SHOC1: variants seen among roughly 807,000 people sequenced by gnomAD.
The protein encoded by SHOC1 is protein shortage in chiasmata 1 ortholog.
In SHOC1, 136 loss-of-function variants were observed where a neutral mutation model predicts 179.2. That is an observed-to-expected ratio of 0.76 (90% confidence interval 0.66 to 0.87). SHOC1 has a LOEUF of 0.87. Among genes scored for constraint, SHOC1 ranks in the 40% least tolerant of loss-of-function variants. The probability of loss-of-function intolerance (pLI) is 0.00; values close to 1 mark genes in which losing one functional copy is unlikely to be tolerated. For missense variants in SHOC1, 1,538 were observed against 1,700.8 expected, an observed-to-expected ratio of 0.90 and a Z score of 1.68; for synonymous variants, 489 against 586.6, an observed-to-expected ratio of 0.83 and a Z score of 2.41.
chr9:111,699,807 T>G (rs1042326192), intron 24 of SHOC1, 147 bp downstream of exon 24: 2 of 493,098 alleles, frequency 4.1e-6, no homozygotes, highest in Non-Finnish European at 7.1e-6. Context: ...GATAAAATGT[T>G]TATTAATTTG....
At chr9:111,725,224 A>C (rs1833244681) in intron 13 of SHOC1, among the ~76,000 whole-genome samples, 1 of 152,218 alleles carries the variant, frequency 6.6e-6, no homozygotes, top group Non-Finnish European at 1.5e-5. Flanking sequence ...AAATAATATT[A>C]ATTATTAAAA....
chr9:111,778,717 A>G (rs897192743), intron 4 of SHOC1, among the ~76,000 whole-genome samples: 15 of 150,182 alleles, frequency 1.0e-4, no homozygotes, highest in Admixed American at 8.0e-4. Context: ...GTTGCAGTGA[A>G]CCAAGGTCAC....
chr9:111,691,026 A>G (rs899755912), intron 27 of SHOC1, among the ~76,000 whole-genome samples: 1 of 152,346 alleles, frequency 6.6e-6, no homozygotes, highest in Non-Finnish European at 1.5e-5. Context: ...TAGAAACAAG[A>G]AAATTAAATT....
intron 3 of SHOC1, among the ~76,000 whole-genome samples, chr9:111,781,568 CA>C (rs1231238432): frequency 1.3e-5 from 2 of 152,060 alleles, no homozygotes; most frequent in Non-Finnish European, 2.9e-5. Flanking sequence ...ACTAAAAATA[CA>C]AAAATTAGCC....
intron 18 of SHOC1, among the ~76,000 whole-genome samples, chr9:111,709,141 G>T (rs1832413038): frequency 6.6e-6 from 1 of 152,310 alleles, no homozygotes. Context: ...AGGAGTTCGA[G>T]ACCAGCCTGG....
intron 12 of SHOC1, among the ~76,000 whole-genome samples, chr9:111,734,460 T>C (rs1198935918): frequency 6.6e-6 from 1 of 152,224 alleles, no homozygotes; most frequent in Non-Finnish European, 1.5e-5. Context: ...AGGCCTAAGA[T>C]GGACTGGTGT....
chr9:111,737,453 G>A (rs1216584535), intron 12 of SHOC1, among the ~76,000 whole-genome samples: 1 of 152,104 alleles, frequency 6.6e-6, no homozygotes, highest in East Asian at 1.9e-4. Flanking sequence ...GATCACTTGA[G>A]GTCAGGAGTT....
In SHOC1 at chr9:111,692,215, G is replaced by C. The variant is rs1483525103; in HGVS notation, c.3762C>G (p.Tyr1254Ter). The C allele has an allele frequency of 1.9e-6, 3 of 1,613,558 alleles. No individual in the cohort carries two copies. In the South Asian group the frequency reaches 3.3e-5, roughly 18 times the overall value. Residue 1254 changes from tyrosine to a stop codon, truncating the protein, a stop_gained, in exon 27 of 28, where the codon TAC (tyrosine) becomes TAG (stop). Transcript: ENST00000682961. LOFTEE classifies it high-confidence loss of function. ...PPVTSYNQTS[Y>*]WKDSSCKSNI... Reference sequence around the variant, plus strand: ...TAGATTTACAGCTGGAGTCTTTCCAGTAGCTGGTCTGATTGTATGAAGTCA... The same window carrying C: ...TAGATTTACAGCTGGAGTCTTTCCACTAGCTGGTCTGATTGTATGAAGTCA...
At chr9:111,786,783 G>A (rs1836277358) in intron 2 of SHOC1, among the ~76,000 whole-genome samples, 1 of 152,144 alleles carries the variant, frequency 6.6e-6, no homozygotes, top group Non-Finnish European at 1.5e-5. Flanking sequence ...TGTGTATTCT[G>A]ACAAAACAGC....
intron 16 of SHOC1, among the ~76,000 whole-genome samples, chr9:111,716,416 G>A (rs1832794289): frequency 1.7e-5 from 1 of 59,164 alleles, no homozygotes; most frequent in South Asian, 5.6e-4. Context: ...TTGAGACGGA[G>A]TTTCACTCTT....
intron 18 of SHOC1, among the ~76,000 whole-genome samples, chr9:111,712,067 A>G (rs1350595511): frequency 6.6e-6 from 1 of 152,238 alleles, no homozygotes; most frequent in African/African-American, 2.4e-5. Flanking sequence ...AGCTATAGGT[A>G]TAGACAAAGA....
chr9:111,697,512 G>A (rs567046700), intron 24 of SHOC1, among the ~76,000 whole-genome samples: 21 of 152,238 alleles, frequency 1.4e-4, no homozygotes, highest in Admixed American at 1.2e-3. Flanking sequence ...CCCTGCAAAG[G>A]ACATGGACTC....
intron 5 of SHOC1, among the ~76,000 whole-genome samples, chr9:111,767,737 T>G (rs2131594837): frequency 6.6e-6 from 1 of 152,326 alleles, no homozygotes; most frequent in Admixed American, 6.5e-5. Context: ...ATCATTGGTA[T>G]TTTGATAGGG....
At chr9:111,779,230 T>A (rs1249538045) in intron 4 of SHOC1, among the ~76,000 whole-genome samples, 1 of 152,108 alleles carries the variant, frequency 6.6e-6, no homozygotes, top group African/African-American at 2.4e-5. Context: ...ATTGTATGAT[T>A]CCACTTATGT....
Position 111,692,203 on chromosome 9 carries a change from G to T in SHOC1, c.3774C>A (p.Ser1258=), listed in dbSNP as rs146868010. ...SYNQTSYWKD[S]SCKSNIGQNT... is the part of the protein sequence containing the mutation. ...TCTGCCCTATATTAGATTTACAGCT[G>T]GAGTCTTTCCAGTAGCTGGTCTGAT... The change falls in exon 27 of 28, where the codon TCC becomes TCA. Residue 1258 remains serine (S), a synonymous_variant. Coordinates refer to ENST00000682961, the MANE Select transcript of SHOC1 (RefSeq NM_001378211.1). 23 of 1,613,480 alleles carry T rather than the reference G, an allele frequency of 1.4e-5. No homozygotes were observed. Among genetic ancestry groups the T allele is most frequent in the Non-Finnish European group, 1.6e-5 (19 of 1,179,636 alleles).
intron 10 of SHOC1, among the ~76,000 whole-genome samples, chr9:111,744,572 C>T (rs756930547): frequency 2.6e-5 from 4 of 152,110 alleles, no homozygotes; most frequent in Non-Finnish European, 5.9e-5. Flanking sequence ...TAGCACTCTC[C>T]TCTGGCAGAT....
chr9:111,696,081 T>G (rs1831674378), intron 24 of SHOC1, among the ~76,000 whole-genome samples: 1 of 152,172 alleles, frequency 6.6e-6, no homozygotes, highest in Non-Finnish European at 1.5e-5. Flanking sequence ...ATTTGGGAAT[T>G]CAGGAACCTA....
Position 111,757,874 on chromosome 9 carries a change from AT to A in SHOC1, c.708+209del, listed in dbSNP as rs887855394. 3.3e-5 allele frequency among the ~76,000 whole-genome samples: 5 copies of A among 151,558 alleles called. No homozygotes were observed. The South Asian group carries it at 6.3e-4, about 19-fold the overall frequency. On this transcript the variant is annotated intron_variant, in intron 7 of 27. Transcript: ENST00000682961. ...ATCAGAATATATCTCAGGCTTCAAC[AT>A]TTTTTTTTAACTATTCAGGTAATTC...
chr9:111,779,005 A>T (rs911748383), intron 4 of SHOC1, among the ~76,000 whole-genome samples: 1 of 151,720 alleles, frequency 6.6e-6, no homozygotes, highest in Non-Finnish European at 1.5e-5. Context: ...AGGCTGATGT[A>T]CAAGAATCAC....
Sources: gnomAD v4.1 joint callset for allele counts (sites outside exome capture counted in the v4.1 genomes callset) on GRCh38, gnomAD v4.1.1 for gene constraint, MANE v1.5 for transcripts, NCBI Gene and HGNC (gene_info 2026-07-23, HGNC 2026-07-21) for gene names.